Variants in KCNJ3 observed in about 807,000 individuals in gnomAD.
KCNJ3 encodes G protein-activated inward rectifier potassium channel 1.
A neutral mutation model predicts 39.2 loss-of-function variants in KCNJ3; 4 were observed. The observed-to-expected ratio is 0.10, with a 90% CI of 0.05 to 0.23. The LOEUF is 0.23. Ranked by LOEUF, KCNJ3 falls within the 10% of genes least tolerant of loss-of-function variation. KCNJ3 has a pLI of 1.00. For synonymous variants in KCNJ3, 230 were observed against 237.4 expected (o/e 0.97, Z 0.29); for missense variants, 276 against 634.9 (o/e 0.43, Z 6.08).
At chr2:154,756,579 T>G (rs894318993) in intron 2 of KCNJ3, among the ~76,000 whole-genome samples, 3 of 151,482 alleles carry the variant, frequency 2.0e-5, no homozygotes, top group African/African-American at 7.3e-5. Context: ...GTCCATGTGT[T>G]CTCATTGTTC....
intron 2 of KCNJ3, among the ~76,000 whole-genome samples, chr2:154,736,522 G>C (rs931302613): frequency 6.6e-6 from 1 of 151,384 alleles, no homozygotes; most frequent in African/African-American, 2.4e-5. Context: ...ATTGGATTCT[G>C]CCTGTGGTCA....
chr2:154,767,982 C>T (rs551082338), intron 2 of KCNJ3, among the ~76,000 whole-genome samples: 1 of 152,276 alleles, frequency 6.6e-6, no homozygotes, highest in South Asian at 2.1e-4. Flanking sequence ...GCATAAATGT[C>T]TTCTTTTGAG....
chr2:154,764,785 ATGGGCTG>A (rs1410505411), intron 2 of KCNJ3, among the ~76,000 whole-genome samples: 1 of 142,436 alleles, frequency 7.0e-6, no homozygotes, highest in East Asian at 3.2e-4. Flanking sequence ...CAAAGCCGTC[ATGGGCTG>A]CATGCAGCCT....
At chr2:154,832,071 AC>A (rs1442596263) in intron 2 of KCNJ3, among the ~76,000 whole-genome samples, 1 of 152,116 alleles carries the variant, frequency 6.6e-6, no homozygotes, top group Non-Finnish European at 1.5e-5. Flanking sequence ...TTTAGAATTA[AC>A]AGAGTGAGAA....
intron 2 of KCNJ3, among the ~76,000 whole-genome samples, chr2:154,836,115 C>G (rs1165994066): frequency 6.6e-6 from 1 of 150,612 alleles, no homozygotes; most frequent in African/African-American, 2.5e-5. Context: ...GAGGCTGAGG[C>G]AGGAGAATCA....
At chr2:154,835,462 TC>T (rs1451378340) in intron 2 of KCNJ3, among the ~76,000 whole-genome samples, 2 of 95,754 alleles carry the variant, frequency 2.1e-5, no homozygotes, top group African/African-American at 6.4e-5. Context: ...TATATAATAT[TC>T]ATGAATATGA....
At chr2:154,700,410 G>A (rs1052190363) in intron 1 of KCNJ3, among the ~76,000 whole-genome samples, 1 of 152,168 alleles carries the variant, frequency 6.6e-6, no homozygotes, top group Non-Finnish European at 1.5e-5. Flanking sequence ...GGGAAGGAAG[G>A]CTTAAAGCCC....
chr2:154,837,447 T>C (rs1360392368), intron 2 of KCNJ3, among the ~76,000 whole-genome samples: 1 of 152,176 alleles, frequency 6.6e-6, no homozygotes, highest in African/African-American at 2.4e-5. Context: ...AAATGTAGCA[T>C]ATATTTATTT....
intron 2 of KCNJ3, among the ~76,000 whole-genome samples, chr2:154,830,754 GATT>G (rs1687347912): frequency 1.3e-5 from 2 of 148,430 alleles, no homozygotes; most frequent in African/African-American, 4.9e-5. Flanking sequence ...AGATGAGAAT[GATT>G]ATTTTTCTCA....
chr2:154,850,331 A>T (rs1416268169), intron 2 of KCNJ3, among the ~76,000 whole-genome samples: 1 of 152,150 alleles, frequency 6.6e-6, no homozygotes, highest in Non-Finnish European at 1.5e-5. Context: ...AGAATAAGAA[A>T]TATAAAGCAT....
intron 2 of KCNJ3, among the ~76,000 whole-genome samples, chr2:154,833,310 C>T (rs953551641): frequency 1.3e-5 from 2 of 152,122 alleles, no homozygotes; most frequent in Non-Finnish European, 2.9e-5. Context: ...AGTTATGTAA[C>T]CTCTCTTAAG....
At chr2:154,701,975 T>C (rs3106659) in intron 1 of KCNJ3, among the ~76,000 whole-genome samples, 4,303 of 152,046 alleles carry the variant, frequency 0.028, 54 homozygotes, top group African/African-American at 0.037. Context: ...CATGTTTTAT[T>C]GGGGAAATAA....
chr2:154,723,099 A>G (rs907526451), intron 2 of KCNJ3, among the ~76,000 whole-genome samples: 15 of 152,090 alleles, frequency 9.9e-5, no homozygotes, highest in Admixed American at 7.9e-4. Flanking sequence ...CCTGGGCAAT[A>G]TAAGAAGACC....
chr2:154,843,657 A>C (rs1211242108), intron 2 of KCNJ3, among the ~76,000 whole-genome samples: 1 of 151,420 alleles, frequency 6.6e-6, no homozygotes. Flanking sequence ...TTTTTCTCTA[A>C]CCTCGTCTTC....
At position 154,757,809 on chromosome 2, in the gene KCNJ3, A is replaced by T. The variant is rs114748419; in HGVS notation, c.919+47990A>T. On this transcript the variant is annotated intron_variant, in intron 2 of 2. Coordinates refer to ENST00000295101, the MANE Select transcript of KCNJ3 (RefSeq NM_002239.4). ...TGGTGCATTGTTGCTGTGTCCTCAC[A>T]TGGTGGAAAGGAGCAAGGGAGCTCC... Among the ~76,000 whole-genome samples the T allele has an allele frequency of 6.8e-3, 1,042 of 152,240 alleles. 12 individuals carry two copies. Among genetic ancestry groups the T allele is most frequent in the African/African-American group, 0.024 (983 of 41,548 alleles).
chr2:154,754,231 TTAAC>T (rs1685898948), intron 2 of KCNJ3, among the ~76,000 whole-genome samples: 1 of 152,198 alleles, frequency 6.6e-6, no homozygotes, highest in Admixed American at 6.5e-5. Context: ...GAATATTTAA[TTAAC>T]CTAGCACTCC....
intron 2 of KCNJ3, among the ~76,000 whole-genome samples, chr2:154,742,319 A>T (rs905727383): frequency 3.3e-5 from 5 of 151,818 alleles, no homozygotes; most frequent in African/African-American, 1.2e-4. Flanking sequence ...AGCTAATGTG[A>T]ATACTGCTGT....
At chr2:154,838,225 G>A (rs1165304449) in intron 2 of KCNJ3, among the ~76,000 whole-genome samples, 3 of 152,124 alleles carry the variant, frequency 2.0e-5, no homozygotes, top group African/African-American at 4.8e-5. Context: ...GTGGAGAGAT[G>A]GAAGAGGACA....
chr2:154,753,104 A>G (rs1685876433), intron 2 of KCNJ3, among the ~76,000 whole-genome samples: 1 of 152,084 alleles, frequency 6.6e-6, no homozygotes, highest in Non-Finnish European at 1.5e-5. Flanking sequence ...CTAATGATGT[A>G]TAATGCAATG....
Sources: allele counts gnomAD v4.1 joint callset (sites outside exome capture counted in the v4.1 genomes callset), GRCh38; gene constraint gnomAD v4.1.1; transcripts MANE v1.5; gene names NCBI Gene and HGNC (gene_info 2026-07-23, HGNC 2026-07-21).